The following RBBP7 variants were observed in gnomAD, a reference collection of about 807,000 sequenced individuals.
RBBP7 encodes the protein histone-binding protein RBBP7.
Under a neutral mutation model 35.2 loss-of-function variants are expected in RBBP7, and 5 were observed. That is an observed-to-expected ratio of 0.14 (90% CI 0.07 to 0.30). RBBP7 has a LOEUF of 0.30. Ranked by LOEUF, RBBP7 falls within the 10% of genes least tolerant of loss-of-function variation. The probability of loss-of-function intolerance (pLI) is 1.00; values close to 1 mark genes in which losing one functional copy is unlikely to be tolerated. For synonymous variants in RBBP7, 140 were observed against 118.7 expected (o/e 1.18, Z -1.17); for missense variants, 155 against 327.5 (o/e 0.47, Z 4.07).
chrX:16,845,735 G>A, intron 11 of RBBP7, 93 bp downstream of exon 11: 2 of 1,101,934 alleles, frequency 1.8e-6, no homozygotes, highest in Non-Finnish European at 2.4e-6. Context: ...GGCATAATAT[G>A]CACCTACATA....
At chrX:16,864,526 C>CCAAAAAAAA (rs1930554396) in intron 2 of RBBP7, among the ~76,000 whole-genome samples, 1 of 26,245 alleles carries the variant, frequency 3.8e-5, no homozygotes, top group Admixed American at 6.2e-4. Context: ...ACTCCGTCTC[C>CCAAAAAAAA]AAAAAAAAAA....
chrX:16,854,202 G>A lies in RBBP7; in HGVS notation c.598-360C>T, dbSNP rs540302095. Among the ~76,000 whole-genome samples the A allele has an allele frequency of 3.6e-5, 4 of 111,924 alleles. No individual in the cohort carries two copies. In the South Asian group the frequency reaches 1.5e-3, roughly 41 times the overall value. ...CCCGGTCAAGAGATTGAATTTAAAT[G>A]CTAACATCTTATTTAAAATAATTTC... On this transcript the variant is annotated intron_variant, in intron 5 of 11. Transcript: ENST00000380087.
intron 2 of RBBP7, among the ~76,000 whole-genome samples, chrX:16,867,928 G>A (rs1416751223): frequency 1.8e-5 from 2 of 108,942 alleles, no homozygotes; most frequent in South Asian, 3.9e-4. Context: ...CAGGCAATCC[G>A]CCTGCCTCGG....
intron 3 of RBBP7, among the ~76,000 whole-genome samples, chrX:16,860,219 GAT>G (rs1432584057): frequency 1.5e-4 from 13 of 86,835 alleles, no homozygotes; most frequent in African/African-American, 6.0e-4. Flanking sequence ...CTGCTACAAA[GAT>G]ACTCAAGTTT....
chrX:16,868,057 T>C (rs1182317748), intron 2 of RBBP7, among the ~76,000 whole-genome samples: 3 of 112,048 alleles, frequency 2.7e-5, no homozygotes, highest in Non-Finnish European at 5.6e-5. Flanking sequence ...TAATCCTCTT[T>C]AAATTATATG....
chrX:16,853,029 T>A (rs1930247085), intron 6 of RBBP7, 154 bp from the exon 7 acceptor site: 2 of 861,759 alleles, frequency 2.3e-6, no homozygotes, highest in African/African-American at 2.0e-5. Flanking sequence ...CCTCGACCAC[T>A]AAATGATACA....
chrX:16,849,184 A>C, intron 10 of RBBP7, 60 bp downstream of exon 10: 1 of 1,080,017 alleles, frequency 9.3e-7, no homozygotes, highest in Non-Finnish European at 1.3e-6. Context: ...CTCGAAATAA[A>C]GAGATCAATG....
chrX:16,855,121 C>T (rs1930318360), intron 5 of RBBP7, among the ~76,000 whole-genome samples: 1 of 107,339 alleles, frequency 9.3e-6, no homozygotes, highest in Non-Finnish European at 1.9e-5. Context: ...ACAATTTTGG[C>T]GCACTACAAC....
At chrX:16,860,092 T>G (rs912221906) in intron 3 of RBBP7, among the ~76,000 whole-genome samples, 2 of 109,665 alleles carry the variant, frequency 1.8e-5, no homozygotes, top group Non-Finnish European at 3.8e-5. Context: ...GAAATGTGCC[T>G]CGGCATGCTA....
At chrX:16,845,781 ATCTC>A in intron 11 of RBBP7, 43 bp downstream of exon 11, 3 of 1,176,083 alleles carry the variant, frequency 2.6e-6, no homozygotes, top group Non-Finnish European at 3.4e-6. Context: ...TAAGTAGTAA[ATCTC>A]TCCTTTACAA....
intron 6 of RBBP7, 67 bp from the exon 7 acceptor site, chrX:16,852,942 T>C: frequency 1.7e-6 from 2 of 1,201,468 alleles, no homozygotes; most frequent in Non-Finnish European, 2.2e-6. Context: ...CTCACATCAC[T>C]GTCACTGCAC....
At chrX:16,854,346 CCACTG>C (rs1233303939) in intron 5 of RBBP7, among the ~76,000 whole-genome samples, 3 of 110,933 alleles carry the variant, frequency 2.7e-5, no homozygotes, top group African/African-American at 9.9e-5. Context: ...AAAGGACACT[CCACTG>C]TAATGAGGGG....
intron 5 of RBBP7, 77 bp from the exon 6 acceptor site, chrX:16,853,919 G>C: frequency 1.2e-6 from 1 of 841,001 alleles, no homozygotes; most frequent in Non-Finnish European, 1.5e-6. Context: ...TCGAGACAGT[G>C]TCTCAGTCTG....
Position 16,869,527 on chromosome X carries a change from C to G in RBBP7, c.17-307G>C. The stretch of plus-strand genomic sequence containing the variant: ...AGATGACGACCTGTACGTACAGGGG[C>G]TGCGCGACCCAGTCGGGAAGACAAA... On this transcript the variant is annotated intron_variant, in intron 1 of 11. Transcript: ENST00000380087. 7.7e-6 allele frequency: 9 copies of G among 1,167,089 alleles called. No individual in the cohort carries two copies. The highest frequency in any genetic ancestry group is 1.9e-5 in the South Asian group (1 of 52,747).
At chrX:16,852,682 A>G in intron 7 of RBBP7, 54 bp from the exon 8 acceptor site, 2 of 1,209,103 alleles carry the variant, frequency 1.7e-6, no homozygotes, top group Non-Finnish European at 2.2e-6. Context: ...AAGAATTTTC[A>G]AATATCTGAT....
At chrX:16,856,641 G>T (rs1478187911) in intron 5 of RBBP7, among the ~76,000 whole-genome samples, 2 of 111,310 alleles carry the variant, frequency 1.8e-5, no homozygotes, top group Non-Finnish European at 3.8e-5. Flanking sequence ...TGCACACTAG[G>T]ATAGCTATAA....
intron 5 of RBBP7, among the ~76,000 whole-genome samples, chrX:16,856,542 A>AAACAACAAC (rs79869612): frequency 5.6e-5 from 6 of 106,910 alleles, no homozygotes; most frequent in South Asian, 4.0e-4. Context: ...AAAACAAACA[A>AAACAACAAC]AACAACAACA....
intron 1 of RBBP7, chrX:16,869,551 A>C (rs1239618426): frequency 8.6e-7 from 1 of 1,166,615 alleles, no homozygotes; most frequent in Non-Finnish European, 1.1e-6. Context: ...CGGGAAGACA[A>C]ATGCACGTGT....
intron 3 of RBBP7, among the ~76,000 whole-genome samples, chrX:16,861,607 C>A (rs1172509285): frequency 3.6e-5 from 4 of 111,861 alleles, no homozygotes; most frequent in Non-Finnish European, 7.5e-5. Context: ...CTTGGCCTCC[C>A]GAAGTGTTGG....
Sources: gnomAD v4.1 joint callset for allele counts (sites outside exome capture counted in the v4.1 genomes callset) on GRCh38, gnomAD v4.1.1 for gene constraint, MANE v1.5 for transcripts, NCBI Gene and HGNC (gene_info 2026-07-23, HGNC 2026-07-21) for gene names.